The following PPIB variants were observed in gnomAD, a reference collection of about 807,000 sequenced individuals.
PPIB encodes the protein peptidylprolyl isomerase B, also known as peptidyl-prolyl cis-trans isomerase B.
PPIB carries 15 observed loss-of-function variants against 20.1 expected under a neutral mutation model. That is an observed-to-expected ratio of 0.75 (90% confidence interval 0.50 to 1.15). The LOEUF (loss-of-function observed/expected upper bound fraction) is 1.15. Ranked by LOEUF, PPIB falls within the 50% of genes most tolerant of loss-of-function variation. PPIB has a pLI of 0.00. For synonymous variants in PPIB, 129 were observed against 111.0 expected (o/e 1.16, Z -1.02); for missense variants, 278 against 283.0 (o/e 0.98, Z 0.13).
chr15:64,156,824 TGCGTTG>T lies in PPIB; in HGVS notation c.423_428del (p.Asn142_Ala143del). 6.2e-7 allele frequency: 1 copy of T among 1,614,214 alleles called. No individual in the cohort carries two copies. The highest frequency in any genetic ancestry group is 8.5e-7 in the Non-Finnish European group (1 of 1,180,022). On this transcript the variant is annotated inframe_deletion, in exon 4 of 5. Transcript: ENST00000300026. The surrounding 1 kb of genome is among the most constrained non-coding windows in gnomAD (Gnocchi z 6.4). ...ACTGGGAGCCGTTGGTGTCTTTGCC[TGCGTTG>T]GCCATGCTCACCCAGCCAGGCCCGT...
chr15:64,162,157 G>A lies in PPIB; in HGVS notation c.136-3C>T, dbSNP rs777746993. On this transcript the variant is annotated splice_region_variant and splice_polypyrimidine_tract_variant and intron_variant, in intron 1 of 4. Transcript: ENST00000300026. ...CCAATTCGTAGGTCAAAATACACCTGAGGAAAGAGACCATTTCCAACTTAG... is the reference window on the plus strand; with the variant it reads ...CCAATTCGTAGGTCAAAATACACCTAAGGAAAGAGACCATTTCCAACTTAG... 8 of 1,604,876 alleles carry A rather than the reference G, an allele frequency of 5.0e-6. No individual in the cohort carries two copies. Among genetic ancestry groups the A allele is most frequent in the African/African-American group, 1.3e-5 (1 of 74,888 alleles).
chr15:64,157,510 G>A lies in PPIB; in HGVS notation c.344-601C>T, dbSNP rs147241860. 1,163 of 157,022 alleles carry A rather than the reference G, an allele frequency of 7.4e-3. 3 individuals carry two copies. The highest frequency in any genetic ancestry group is 0.013 in the Middle Eastern group (4 of 300). 9.7% of individuals were successfully genotyped at this position (157,022 alleles called of 1,614,324 possible). A position where few individuals can be genotyped will look rare whatever the true frequency, so the allele number is the denominator to read the frequency against. On this transcript the variant is annotated intron_variant, in intron 3 of 4. Coordinates refer to ENST00000300026, the MANE Select transcript of PPIB (RefSeq NM_000942.5). This position sits in a 1 kb window ranked among gnomAD's most constrained non-coding sequence, Gnocchi z 4.2. ...GACGCGTCTGTCCACGTGGGGCTTG[G>A]GGATATGGTAAGGGCAATCCGGAGT...
At position 64,160,172 on chromosome 15, in the gene PPIB, T is replaced by C. The variant is rs112988616; in HGVS notation, c.275A>G (p.Lys92Arg). Residue 92 changes from lysine (K) to arginine (R), a missense_variant, in exon 3 of 5, where the codon AAA becomes AGA. Lys to Arg is a conservative substitution (Grantham distance 26). Transcript: ENST00000300026. This position sits in a 1 kb window ranked among gnomAD's most constrained non-coding sequence, Gnocchi z 4.8. Reference sequence around the variant, plus strand: ...GAAGTCCTTGATTACACGATGGAATTTGCTGTTTTTGTAGCCAAATCCTTT... The same window carrying C: ...GAAGTCCTTGATTACACGATGGAATCTGCTGTTTTTGTAGCCAAATCCTTT... Reference protein sequence around the residue: ...GEKGFGYKNSKFHRVIKDFMI... With the variant: ...GEKGFGYKNSRFHRVIKDFMI... The C allele has an allele frequency of 8.2e-5, 132 of 1,613,960 alleles. No individual in the cohort carries two copies. Among genetic ancestry groups the C allele is most frequent in the Non-Finnish European group, 1.1e-4 (125 of 1,179,938 alleles).
At chr15:64,162,541 G>C (rs2081568685) in intron 1 of PPIB, among the ~76,000 whole-genome samples, 1 of 152,242 alleles carries the variant, frequency 6.6e-6, no homozygotes, top group African/African-American at 2.4e-5. Flanking sequence ...GGAGAGAAAG[G>C]ATTCGGAATC....
rs1404912886 is a variant in PPIB at position 64,159,104 on chromosome 15, T to G, written c.343+1000A>C. ...AGTTCTTTGGTCTCCTTTGTGAGCC[T>G]GAGTCCTAAACGCTGCATCATGGCT... On this transcript the variant is annotated intron_variant, in intron 3 of 4. Coordinates refer to ENST00000300026, the MANE Select transcript of PPIB (RefSeq NM_000942.5). This position sits in a 1 kb window ranked among gnomAD's most constrained non-coding sequence, Gnocchi z 5.1. Among the ~76,000 whole-genome samples, 1 of 152,222 alleles carries G rather than the reference T, an allele frequency of 6.6e-6. No individual in the cohort carries two copies. Among genetic ancestry groups the G allele is most frequent in the Non-Finnish European group, 1.5e-5 (1 of 68,042 alleles).
chr15:64,162,182 G>A, intron 1 of PPIB, 28 bp from the exon 2 acceptor site: 3 of 1,561,724 alleles, frequency 1.9e-6, no homozygotes, highest in Non-Finnish European at 2.6e-6. Context: ...TTCCAACTTA[G>A]CTTCTTTAAA....
In PPIB at chr15:64,156,952, CA is replaced by C; in HGVS notation, c.344-44del. On this transcript the variant is annotated intron_variant, in intron 3 of 4. Transcript: ENST00000300026. The surrounding 1 kb of genome is among the most constrained non-coding windows in gnomAD (Gnocchi z 6.4). ...GCAGGTCAGGGGCGCTGGATTGCGCCAAACCAAGCAGACATTCGGGGCCAGG... is the reference window on the plus strand; with the variant it reads ...GCAGGTCAGGGGCGCTGGATTGCGCCAACCAAGCAGACATTCGGGGCCAGG... The C allele has an allele frequency of 6.3e-7, 1 of 1,598,248 alleles. No individual in the cohort carries two copies. The highest frequency in any genetic ancestry group is 8.6e-7 in the Non-Finnish European group (1 of 1,167,018).
At position 64,158,267 on chromosome 15, in the gene PPIB, G is replaced by A. The variant is rs569215897; in HGVS notation, c.344-1358C>T. Among the ~76,000 whole-genome samples the A allele has an allele frequency of 1.3e-3, 198 of 152,268 alleles. No homozygotes were observed. The highest frequency in any genetic ancestry group is 2.3e-3 in the Admixed American group (35 of 15,294). On this transcript the variant is annotated intron_variant, in intron 3 of 4. Transcript: ENST00000300026. The surrounding 1 kb of genome is among the most constrained non-coding windows in gnomAD (Gnocchi z 4.7). Reference sequence around the variant, plus strand: ...ACCACCACCGCTGCAGTAGGCGAGTGCTTAGGGTGCTCATAGTGTGAGCCA... The same window carrying A: ...ACCACCACCGCTGCAGTAGGCGAGTACTTAGGGTGCTCATAGTGTGAGCCA...
In PPIB at chr15:64,162,296, C is replaced by T. The variant is rs956657755; in HGVS notation, c.136-142G>A. 17 of 731,474 alleles carry T rather than the reference C, an allele frequency of 2.3e-5. No individual in the cohort carries two copies. In the East Asian group the frequency reaches 3.8e-4, roughly 16 times the overall value. The allele number at this position is 731,474 out of a possible 1,614,324, so 45.3% of individuals were successfully genotyped here. ...GTGGTTCTGAATCTGATTTTGGTGA[C>T]GGTAAAAATCCTATGAGAATCTAAT... On this transcript the variant is annotated intron_variant, in intron 1 of 4. Transcript: ENST00000300026.
intron 1 of PPIB, 77 bp from the exon 2 acceptor site, chr15:64,162,231 C>G: frequency 9.8e-7 from 1 of 1,017,340 alleles, no homozygotes; most frequent in Non-Finnish European, 1.6e-6. Flanking sequence ...AGAAGCTAAC[C>G]TGAGGATGGG....
Position 64,156,631 on chromosome 15 carries a change from G to A in PPIB, c.528+94C>T. The A allele has an allele frequency of 6.7e-7, 1 of 1,491,008 alleles. No individual in the cohort carries two copies. Among genetic ancestry groups the A allele is most frequent in the Non-Finnish European group, 9.4e-7 (1 of 1,068,588 alleles). The allele number at this position is 1,491,008 out of a possible 1,614,324, so 92.4% of individuals were successfully genotyped here. A position where few individuals can be genotyped will look rare whatever the true frequency, so the allele number is the denominator to read the frequency against. ...TGCATCTGTGGGTTGGGTCCTTTTG[G>A]GAAAGGGATGGACACATGGAGCTCC... On this transcript the variant is annotated intron_variant, in intron 4 of 4. Transcript: ENST00000300026. This position sits in a 1 kb window ranked among gnomAD's most constrained non-coding sequence, Gnocchi z 6.4.
rs367616150 is a variant in PPIB at position 64,162,995 on chromosome 15, G to T, written c.-9C>A. 1.2e-6 allele frequency: 2 copies of T among 1,612,504 alleles called. No homozygotes were observed. Among genetic ancestry groups the T allele is most frequent in the South Asian group, 1.1e-5 (1 of 90,836 alleles). Reference sequence around the variant, plus strand: ...TCGGAGAGGCGCAGCATCCACAGGCGGAGGCGAAAGCAGCCCGGACAGCTG... The same window carrying T: ...TCGGAGAGGCGCAGCATCCACAGGCTGAGGCGAAAGCAGCCCGGACAGCTG... On this transcript the variant is annotated 5_prime_UTR_variant, in exon 1 of 5. Coordinates refer to ENST00000300026, the MANE Select transcript of PPIB (RefSeq NM_000942.5).
rs1596029610 is a variant in PPIB, at chr15:64,158,664, C to A, written c.343+1440G>T. Among the ~76,000 whole-genome samples, 1 of 152,242 alleles carries A rather than the reference C, an allele frequency of 6.6e-6. No individual in the cohort carries two copies. The highest frequency in any genetic ancestry group is 6.5e-5 in the Admixed American group (1 of 15,290). ...AGCCCAGGCTGCAGGACATCACCCA[C>A]CTCTCTGCACTCCGGGTACAGATGT... is the stretch of plus-strand genomic sequence containing the variant. On this transcript the variant is annotated intron_variant, in intron 3 of 4. Transcript: ENST00000300026. The surrounding 1 kb of genome is among the most constrained non-coding windows in gnomAD (Gnocchi z 4.7).
Position 64,156,399 on chromosome 15 carries a change from G to C in PPIB, c.529-254C>G. ...CAAGGGTGAGGAGGAGGAAGAGGGT[G>C]ACCAGGGCATGTGGCTTCTCAGGGA... On this transcript the variant is annotated intron_variant, in intron 4 of 4. Coordinates refer to ENST00000300026, the MANE Select transcript of PPIB (RefSeq NM_000942.5). This position sits in a 1 kb window ranked among gnomAD's most constrained non-coding sequence, Gnocchi z 6.4. 1.6e-6 allele frequency: 1 copy of C among 631,756 alleles called. No homozygotes were observed. Among genetic ancestry groups the C allele is most frequent in the Non-Finnish European group, 2.8e-6 (1 of 355,974 alleles). The allele number at this position is 631,756 out of a possible 1,614,324, so 39.1% of individuals were successfully genotyped here.
Position 64,160,298 on chromosome 15 carries a change from G to A in PPIB, c.250-101C>T, listed in dbSNP as rs2081558340. 6.3e-6 allele frequency: 6 copies of A among 958,874 alleles called. No homozygotes were observed. Among genetic ancestry groups the A allele is most frequent in the Non-Finnish European group, 1.0e-5 (6 of 598,336 alleles). 59.4% of individuals were successfully genotyped at this position (958,874 alleles called of 1,614,324 possible). A position where few individuals can be genotyped will look rare whatever the true frequency, so the allele number is the denominator to read the frequency against. On this transcript the variant is annotated intron_variant, in intron 2 of 4. Coordinates refer to ENST00000300026, the MANE Select transcript of PPIB (RefSeq NM_000942.5). This position sits in a 1 kb window ranked among gnomAD's most constrained non-coding sequence, Gnocchi z 4.8. ...AACAAGTCCACAACTCCTGCTCGCA[G>A]AAGAGACACCACTGCTGACCACTTT...
chr15:64,155,933 T>C lies in PPIB; in HGVS notation c.*90A>G, dbSNP rs935628561. 3.9e-5 allele frequency: 63 copies of C among 1,598,372 alleles called. No individual in the cohort carries two copies. The Middle Eastern group carries it at 5.4e-4, about 14-fold the overall frequency. On this transcript the variant is annotated 3_prime_UTR_variant, in exon 5 of 5. Coordinates refer to ENST00000300026, the MANE Select transcript of PPIB (RefSeq NM_000942.5). ...AGGGGAGTGGGTCCGCTCCACCAGATGCCAGCACCGGGGCCAGTGCAGCTC... is the reference window on the plus strand; with the variant it reads ...AGGGGAGTGGGTCCGCTCCACCAGACGCCAGCACCGGGGCCAGTGCAGCTC...
Position 64,156,105 on chromosome 15 carries a change from C to T in PPIB, c.569G>A (p.Arg190Gln), listed in dbSNP as rs200864554. ...GATCACATCCTTCAGGGGTTTATCC[C>T]GGCTGTCTGTCTTGGTGCTCTCCAC... ...RKVESTKTDSRDKPLKDVIIA... is the reference protein window; with the variant it reads ...RKVESTKTDSQDKPLKDVIIA... Residue 190 changes from arginine to glutamine, a missense_variant, in exon 5 of 5, where the codon CGG becomes CAG. Coordinates refer to ENST00000300026, the MANE Select transcript of PPIB (RefSeq NM_000942.5). The surrounding 1 kb of genome is among the most constrained non-coding windows in gnomAD (Gnocchi z 6.4). 288 of 1,614,200 alleles carry T rather than the reference C, an allele frequency of 1.8e-4. 3 individuals carry two copies. In the Middle Eastern group the frequency reaches 2.6e-3, roughly 15 times the overall value.
At position 64,163,017 on chromosome 15, in the gene PPIB, G is replaced by C; in HGVS notation, c.-31C>G. On this transcript the variant is annotated 5_prime_UTR_variant, in exon 1 of 5. Coordinates refer to ENST00000300026, the MANE Select transcript of PPIB (RefSeq NM_000942.5). The stretch of plus-strand genomic sequence containing the variant: ...GGCGGAGGCGAAAGCAGCCCGGACA[G>C]CTGAGGCCGGAAGAGGGTGGGGCCG... 2 of 1,609,188 alleles carry C rather than the reference G, an allele frequency of 1.2e-6. No individual in the cohort carries two copies. The highest frequency in any genetic ancestry group is 1.7e-6 in the Non-Finnish European group (2 of 1,178,532).
At position 64,161,902 on chromosome 15, in the gene PPIB, G is replaced by A. The variant is rs2081565449; in HGVS notation, c.249+139C>T. 1.3e-6 allele frequency: 1 copy of A among 766,748 alleles called. No homozygotes were observed. The highest frequency in any genetic ancestry group is 1.7e-5 in the African/African-American group (1 of 58,998). 47.5% of individuals were successfully genotyped at this position (766,748 alleles called of 1,614,324 possible). Reference sequence around the variant, plus strand: ...ATTACTCTTAAGAAAGGGCAATACTGTGTTCCCAGGGCAACAGGCAGTCGG... The same window carrying A: ...ATTACTCTTAAGAAAGGGCAATACTATGTTCCCAGGGCAACAGGCAGTCGG... On this transcript the variant is annotated intron_variant, in intron 2 of 4. Transcript: ENST00000300026. This position sits in a 1 kb window ranked among gnomAD's most constrained non-coding sequence, Gnocchi z 4.2.
Sources: gnomAD v4.1 joint callset for allele counts (sites outside exome capture counted in the v4.1 genomes callset) on GRCh38, gnomAD v4.1.1 for gene constraint, Gnocchi (gnomAD v3.1) non-coding constraint, MANE v1.5 for transcripts, NCBI Gene and HGNC (gene_info 2026-07-23, HGNC 2026-07-21) for gene names.